Variants in ADAM23 observed in about 807,000 individuals in gnomAD.
The protein encoded by ADAM23 is disintegrin and metalloproteinase domain-containing protein 23.
Under a neutral mutation model 120.1 loss-of-function variants are expected in ADAM23, and 33 were observed. That is an observed-to-expected ratio of 0.27 (90% CI 0.21 to 0.37). The LOEUF (loss-of-function observed/expected upper bound fraction) is 0.37, where lower values mean the gene tolerates loss of function less well. ADAM23 is among the 10% of genes least tolerant of loss of function. The pLI is 1.00. For synonymous variants in ADAM23, 367 were observed against 375.2 expected (o/e 0.98, Z 0.25); for missense variants, 862 against 1,058.2 (o/e 0.81, Z 2.57).
rs373442262 is a variant in ADAM23 at position 206,542,154 on chromosome 2, G to A, written c.656+20G>A. On this transcript the variant is annotated intron_variant, in intron 5 of 25. Transcript: ENST00000264377. ...ACTTCAGTAAGTGGGAATCTCATTGGCATTTTATTCATTGACCCTTTCCAG... is the reference window on the plus strand; with the variant it reads ...ACTTCAGTAAGTGGGAATCTCATTGACATTTTATTCATTGACCCTTTCCAG... 34 of 1,609,636 alleles carry A rather than the reference G, an allele frequency of 2.1e-5. No individual in the cohort carries two copies. The highest frequency in any genetic ancestry group is 2.9e-5 in the Non-Finnish European group (34 of 1,176,096).
Position 206,469,370 on chromosome 2 carries a change from C to A in ADAM23, c.433-11862C>A, listed in dbSNP as rs573152551. Among the ~76,000 whole-genome samples, 8 of 152,256 alleles carry A rather than the reference C, an allele frequency of 5.3e-5. No individual in the cohort carries two copies. In the East Asian group the frequency reaches 7.7e-4, roughly 15 times the overall value. On this transcript the variant is annotated intron_variant, in intron 2 of 25. Transcript: ENST00000264377. ...CTTGTCTCCTCTATTTCATTATAAT[C>A]CATGTCTACTCTGTAAGTGAGTCCT... is the stretch of plus-strand genomic sequence containing the variant.
At chr2:206,563,727 CT>C (rs3084932) in intron 13 of ADAM23, among the ~76,000 whole-genome samples, 31 of 140,562 alleles carry the variant, frequency 2.2e-4, no homozygotes, top group Middle Eastern at 3.6e-3. Context: ...TCCTAAAATT[CT>C]TTTTTTTTTT....
At chr2:206,529,119 A>G (rs1696998355) in intron 3 of ADAM23, among the ~76,000 whole-genome samples, 1 of 152,178 alleles carries the variant, frequency 6.6e-6, no homozygotes, top group Admixed American at 6.5e-5. Flanking sequence ...GACTGCCACA[A>G]TGCCAATTAA....
intron 3 of ADAM23, among the ~76,000 whole-genome samples, chr2:206,509,233 A>C (rs1696570398): frequency 6.6e-6 from 1 of 152,222 alleles, no homozygotes; most frequent in Admixed American, 6.5e-5. Context: ...GAATACAAAG[A>C]AAAAGTGAAA....
At chr2:206,517,475 C>T (rs1218508518) in intron 3 of ADAM23, among the ~76,000 whole-genome samples, 1 of 152,112 alleles carries the variant, frequency 6.6e-6, no homozygotes, top group Non-Finnish European at 1.5e-5. Context: ...TGTTAGAATG[C>T]CTACTCTGTG....
chr2:206,620,334 GTTAAAT>G lies in ADAM23; in HGVS notation c.*2709_*2714del, dbSNP rs1157445556. 1 of 152,096 alleles carries G rather than the reference GTTAAAT, an allele frequency of 6.6e-6. No individual in the cohort carries two copies. The highest frequency in any genetic ancestry group is 2.4e-5 in the African/African-American group (1 of 41,424). 9.4% of individuals were successfully genotyped at this position (152,096 alleles called of 1,614,324 possible). A position where few individuals can be genotyped will look rare whatever the true frequency, so the allele number is the denominator to read the frequency against. ...TAGGTAATCGAACCTATGCTCCAAT[GTTAAAT>G]TATTTGTGTATATGTAAAATACACA... On this transcript the variant is annotated 3_prime_UTR_variant, in exon 26 of 26. Transcript: ENST00000264377.
chr2:206,544,478 A>C (rs1046532475), intron 6 of ADAM23, among the ~76,000 whole-genome samples: 5 of 152,230 alleles, frequency 3.3e-5, no homozygotes, highest in African/African-American at 4.8e-5. Flanking sequence ...AAATAGACAG[A>C]GATTGAGCCA....
intron 2 of ADAM23, among the ~76,000 whole-genome samples, chr2:206,474,813 G>A (rs1695742540): frequency 6.6e-6 from 1 of 152,144 alleles, no homozygotes; most frequent in Non-Finnish European, 1.5e-5. Flanking sequence ...GGCTTCAAGC[G>A]ATCCTCCTGC....
At chr2:206,474,058 C>T (rs1323214684) in intron 2 of ADAM23, among the ~76,000 whole-genome samples, 1 of 150,996 alleles carries the variant, frequency 6.6e-6, no homozygotes, top group South Asian at 2.1e-4. Flanking sequence ...AAAACTAACT[C>T]TCCTATACTA....
At chr2:206,449,517 C>T (rs1449111500) in intron 2 of ADAM23, among the ~76,000 whole-genome samples, 1 of 152,186 alleles carries the variant, frequency 6.6e-6, no homozygotes, top group Non-Finnish European at 1.5e-5. Flanking sequence ...CCTGTAATCC[C>T]AGCACTCTGG....
Position 206,589,597 on chromosome 2 carries a change from T to TA in ADAM23, c.1958+85dup, listed in dbSNP as rs1211956893. The TA allele has an allele frequency of 3.6e-6, 4 of 1,125,512 alleles. No homozygotes were observed. The East Asian group carries it at 1.0e-4, about 29-fold the overall frequency. 69.7% of individuals were successfully genotyped at this position (1,125,512 alleles called of 1,614,324 possible). On this transcript the variant is annotated intron_variant, in intron 21 of 25. Transcript: ENST00000264377. ...TGCAAAATGAGCACAAAATAAATGC[T>TA]AATGATTTTTTTCTAAGTGTTCACC...
At chr2:206,566,858 A>G (rs1697894992) in intron 14 of ADAM23, among the ~76,000 whole-genome samples, 2 of 152,160 alleles carry the variant, frequency 1.3e-5, no homozygotes, top group Non-Finnish European at 2.9e-5. Flanking sequence ...GAGGCAAAAA[A>G]AAAAAATGCT....
intron 9 of ADAM23, among the ~76,000 whole-genome samples, chr2:206,554,273 A>T (rs1697594274): frequency 6.6e-6 from 1 of 152,222 alleles, no homozygotes; most frequent in Non-Finnish European, 1.5e-5. Context: ...AAAGTATCTT[A>T]GTACCTGGCT....
Position 206,465,878 on chromosome 2 carries a change from A to C in ADAM23, c.433-15354A>C, listed in dbSNP as rs553799433. 8.5e-5 allele frequency among the ~76,000 whole-genome samples: 13 copies of C among 152,318 alleles called. No homozygotes were observed. In the South Asian group the frequency reaches 2.7e-3, roughly 32 times the overall value. Reference sequence around the variant, plus strand: ...CAGAATCTTTTTGTTCCTGAATTTCACAATATAAACTTTAATTATGAAATT... The same window carrying C: ...CAGAATCTTTTTGTTCCTGAATTTCCCAATATAAACTTTAATTATGAAATT... On this transcript the variant is annotated intron_variant, in intron 2 of 25. Transcript: ENST00000264377.
intron 10 of ADAM23, among the ~76,000 whole-genome samples, chr2:206,558,657 TAA>T (rs1697695641): frequency 6.6e-6 from 1 of 152,232 alleles, no homozygotes; most frequent in Non-Finnish European, 1.5e-5. Context: ...AAGAGAATCT[TAA>T]CCACATCTTT....
intron 18 of ADAM23, among the ~76,000 whole-genome samples, chr2:206,584,250 C>CTG (rs976214180): frequency 1.3e-5 from 2 of 152,106 alleles, no homozygotes; most frequent in African/African-American, 4.8e-5. Flanking sequence ...AGTGCCTGTT[C>CTG]TGTTGGAGGT....
chr2:206,596,855 T>A (rs1698536499), intron 24 of ADAM23, among the ~76,000 whole-genome samples: 1 of 150,494 alleles, frequency 6.6e-6, no homozygotes, highest in South Asian at 2.1e-4. Flanking sequence ...AAGTCCTAAG[T>A]GCCTGATCTC....
chr2:206,593,113 A>G (rs541595971), intron 22 of ADAM23, among the ~76,000 whole-genome samples: 9 of 152,208 alleles, frequency 5.9e-5, no homozygotes, highest in African/African-American at 2.2e-4. Flanking sequence ...TTTAAGCTAT[A>G]GTTTATGAAG....
chr2:206,570,766 T>C lies in ADAM23; in HGVS notation c.1521T>C (p.Asn507=). Reference sequence around the variant, plus strand: ...TATTTGAGCCCACGGAATGTGGAAATGGATACGTGGAAGCTGGGGAGGAGT... The same window carrying C: ...TATTTGAGCCCACGGAATGTGGAAACGGATACGTGGAAGCTGGGGAGGAGT... ...TKLFEPTECG[N]GYVEAGEECD... is the part of the protein sequence containing the mutation. The change falls in exon 16 of 26, where the codon AAT becomes AAC. Residue 507 remains asparagine (N), a synonymous_variant. Coordinates refer to ENST00000264377, the MANE Select transcript of ADAM23 (RefSeq NM_003812.4). The C allele has an allele frequency of 5.0e-6, 8 of 1,614,000 alleles. No homozygotes were observed. Among genetic ancestry groups the C allele is most frequent in the Non-Finnish European group, 5.9e-6 (7 of 1,179,878 alleles).
Sources: gnomAD v4.1 joint callset for allele counts (sites outside exome capture counted in the v4.1 genomes callset) on GRCh38, gnomAD v4.1.1 for gene constraint, MANE v1.5 for transcripts, NCBI Gene and HGNC (gene_info 2026-07-23, HGNC 2026-07-21) for gene names.